Variants in PLEKHA1 observed in about 807,000 individuals in gnomAD.
PLEKHA1 encodes the protein pleckstrin homology domain-containing family A member 1.
In PLEKHA1, 34 loss-of-function variants were observed where a neutral mutation model predicts 52.0. The ratio of observed to expected loss-of-function variants is 0.65; its 90% CI spans 0.50 to 0.87. PLEKHA1 has a LOEUF of 0.87. Among genes scored for constraint, PLEKHA1 ranks in the 40% least tolerant of loss-of-function variants. The pLI is 0.00. For synonymous variants in PLEKHA1, 163 were observed against 170.7 expected (o/e 0.95, Z 0.35); for missense variants, 497 against 504.2 (o/e 0.99, Z 0.14).
chr10:122,403,029 G>A (rs528372000), intron 4 of PLEKHA1, among the ~76,000 whole-genome samples: 15 of 152,236 alleles, frequency 9.9e-5, no homozygotes, highest in African/African-American at 2.4e-4. Context: ...ACAGCCCTAC[G>A]ACAATGCAAG....
At chr10:122,395,556 A>G (rs752100400) in intron 2 of PLEKHA1, among the ~76,000 whole-genome samples, 52 of 152,270 alleles carry the variant, frequency 3.4e-4, no homozygotes, top group Non-Finnish European at 5.4e-4. Flanking sequence ...ATTGAACCAT[A>G]TGAAATTGCT....
Position 122,417,959 on chromosome 10 carries a change from A to G in PLEKHA1, c.672A>G (p.Lys224=). The G allele has an allele frequency of 6.2e-7, 1 of 1,609,174 alleles. No individual in the cohort carries two copies. Among genetic ancestry groups the G allele is most frequent in the Non-Finnish European group, 8.5e-7 (1 of 1,175,892 alleles). ...QLDENTIGYF[K]SELEKEPLRV... ...ATGAAAACACAATAGGCTACTTCAA[A>G]TCTGAACTGGTATGTTGTTACGTCA... The change falls in exon 8 of 12, where the codon AAA becomes AAG. Residue 224 remains lysine, a synonymous_variant. Coordinates refer to ENST00000368990, the MANE Select transcript of PLEKHA1 (RefSeq NM_001001974.4).
downstream of PLEKHA1, chr10:122,434,427 C>A (rs1025095300): frequency 4.6e-5 from 7 of 152,130 alleles, no homozygotes; most frequent in African/African-American, 1.7e-4. Flanking sequence ...CTGTCTTCAA[C>A]TCTAGTTCTG....
intron 2 of PLEKHA1, among the ~76,000 whole-genome samples, chr10:122,396,878 C>T (rs999623438): frequency 6.6e-6 from 1 of 152,038 alleles, no homozygotes; most frequent in Non-Finnish European, 1.5e-5. Flanking sequence ...CCTCTATCTT[C>T]CTCTTCTATA....
chr10:122,379,556 G>A (rs2096586308), intron 1 of PLEKHA1, among the ~76,000 whole-genome samples: 1 of 152,196 alleles, frequency 6.6e-6, no homozygotes, highest in South Asian at 2.1e-4. Context: ...CTGTTTTGGT[G>A]AAGACCTCCT....
intron 2 of PLEKHA1, among the ~76,000 whole-genome samples, chr10:122,394,161 G>C (rs921272163): frequency 9.3e-5 from 13 of 139,202 alleles, no homozygotes; most frequent in Admixed American, 1.7e-4. Context: ...TGCAGCCTCT[G>C]CCTCCTGGGT....
chr10:122,426,213 C>G (rs2097336707), intron 10 of PLEKHA1, among the ~76,000 whole-genome samples: 1 of 150,842 alleles, frequency 6.6e-6, no homozygotes, highest in South Asian at 2.1e-4. Context: ...ATGACCCTTT[C>G]TATTTTGTCA....
chr10:122,411,495 A>G (rs1056876339), intron 5 of PLEKHA1, among the ~76,000 whole-genome samples: 1 of 152,136 alleles, frequency 6.6e-6, no homozygotes. Context: ...TGGGAGTAGC[A>G]TCGTATGGAA....
At chr10:122,418,045 T>C in intron 8 of PLEKHA1, 77 bp downstream of exon 8, 1 of 1,120,564 alleles carries the variant, frequency 8.9e-7, no homozygotes, top group South Asian at 1.4e-5. Context: ...TATAATTTCT[T>C]GTACTGTTCT....
At chr10:122,412,634 T>G (rs550832871) in intron 5 of PLEKHA1, 100 of 320,048 alleles carry the variant, frequency 3.1e-4, no homozygotes, top group African/African-American at 1.9e-3. Flanking sequence ...ACCTCTTAGG[T>G]GGGGGTAGAG....
chr10:122,436,260 CA>C (rs1253310722), downstream of PLEKHA1: 1 of 152,158 alleles, frequency 6.6e-6, no homozygotes, highest in African/African-American at 2.4e-5. Context: ...AGTCTGTTTT[CA>C]ACATTTCTAG....
intron 6 of PLEKHA1, among the ~76,000 whole-genome samples, chr10:122,415,005 A>G (rs558633544): frequency 1.1e-4 from 16 of 152,242 alleles, no homozygotes; most frequent in Admixed American, 2.0e-4. Context: ...AAACTTGTGC[A>G]TGAATGTTGA....
chr10:122,381,958 C>T (rs567308171), intron 1 of PLEKHA1, among the ~76,000 whole-genome samples: 4 of 152,060 alleles, frequency 2.6e-5, no homozygotes, highest in Non-Finnish European at 5.9e-5. Flanking sequence ...ATATTTAGGC[C>T]TGTGAGAATG....
chr10:122,403,626 A>C (rs1346132160), intron 4 of PLEKHA1, among the ~76,000 whole-genome samples: 6 of 149,834 alleles, frequency 4.0e-5, no homozygotes, highest in Non-Finnish European at 7.4e-5. Flanking sequence ...TTGTTCAAAG[A>C]TTTTATTTCT....
Position 122,412,857 on chromosome 10 carries a change from G to T in PLEKHA1, c.343-63G>T, listed in dbSNP as rs1336143071. ...ACGGATGAATAATTAGAAATTCTGCGAGAAAACAGGTTCACATGTATAATG... is the reference window on the plus strand; with the variant it reads ...ACGGATGAATAATTAGAAATTCTGCTAGAAAACAGGTTCACATGTATAATG... On this transcript the variant is annotated intron_variant, in intron 5 of 11. Transcript: ENST00000368990. 3.2e-6 allele frequency: 5 copies of T among 1,559,736 alleles called. No homozygotes were observed. The African/African-American group carries it at 5.4e-5, about 17-fold the overall frequency.
intron 1 of PLEKHA1, among the ~76,000 whole-genome samples, chr10:122,382,940 T>G (rs2096634871): frequency 1.3e-5 from 2 of 152,194 alleles, no homozygotes; most frequent in Admixed American, 1.3e-4. Flanking sequence ...ATGATTTTGT[T>G]AAATAGTACC....
At chr10:122,379,283 C>G (rs1353884339) in intron 1 of PLEKHA1, among the ~76,000 whole-genome samples, 1 of 152,168 alleles carries the variant, frequency 6.6e-6, no homozygotes, top group African/African-American at 2.4e-5. Flanking sequence ...AACTTCAATC[C>G]AGGTACGCTG....
At chr10:122,385,275 G>A (rs1252645455) in intron 1 of PLEKHA1, among the ~76,000 whole-genome samples, 1 of 145,352 alleles carries the variant, frequency 6.9e-6, no homozygotes, top group Non-Finnish European at 1.5e-5. Context: ...TTAGGAAGCA[G>A]AATTATTATC....
At chr10:122,400,287 G>T (rs2096909451) in intron 3 of PLEKHA1, 56 bp from the exon 4 acceptor site, 2 of 1,417,738 alleles carry the variant, frequency 1.4e-6, no homozygotes, top group East Asian at 2.3e-5. Flanking sequence ...AGTATATAAG[G>T]TTGGTTTTAG....
Sources: gnomAD v4.1 joint callset for allele counts (sites outside exome capture counted in the v4.1 genomes callset) on GRCh38, gnomAD v4.1.1 for gene constraint, MANE v1.5 for transcripts, NCBI Gene and HGNC (gene_info 2026-07-23, HGNC 2026-07-21) for gene names.